The following CEP192 variants were observed in gnomAD, a reference collection of about 807,000 sequenced individuals.
CEP192 encodes the protein centrosomal protein 192.
CEP192 carries 151 observed loss-of-function variants against 271.8 expected under a neutral mutation model. The ratio of observed to expected loss-of-function variants is 0.56; its 90% CI spans 0.49 to 0.64. The LOEUF (loss-of-function observed/expected upper bound fraction) is 0.64, where lower values mean the gene tolerates loss of function less well. Among genes scored for constraint, CEP192 ranks in the 30% least tolerant of loss-of-function variants. The pLI, the probability that CEP192 is intolerant of heterozygous loss-of-function variation, is 0.00. For missense variants in CEP192, 2,910 were observed against 3,020.5 expected, an observed-to-expected ratio of 0.96 and a Z score of 0.86; for synonymous variants, 995 against 1,076.5, an observed-to-expected ratio of 0.92 and a Z score of 1.48.
chr18:13,038,379 A>G lies in CEP192; in HGVS notation c.1609A>G (p.Ile537Val), dbSNP rs1288011203. 6.4e-6 allele frequency: 10 copies of G among 1,551,272 alleles called. No individual in the cohort carries two copies. The highest frequency in any genetic ancestry group is 2.0e-5 in the Admixed American group (1 of 51,006). The change falls in exon 13 of 45, where the codon ATA (isoleucine) becomes GTA (valine). Residue 537 changes from isoleucine to valine, a missense_variant. Transcript: ENST00000506447. ...KEHQFIQEENIDAHNTSVALG... is the reference protein window; with the variant it reads ...KEHQFIQEENVDAHNTSVALG... ...ATAACTTTCTCCCTAGGAAGAAAAC[A>G]TAGATGCTCATAATACTTCGGTTGC...
intron 1 of CEP192, among the ~76,000 whole-genome samples, chr18:12,995,085 G>A (rs955754847): frequency 2.1e-5 from 3 of 141,426 alleles, no homozygotes; most frequent in East Asian, 2.0e-4. Context: ...TTTTTGAGAC[G>A]GAGTCTCGCT....
intron 15 of CEP192, among the ~76,000 whole-genome samples, chr18:13,047,393 A>G (rs984991717): frequency 4.6e-5 from 7 of 152,050 alleles, no homozygotes; most frequent in Non-Finnish European, 1.0e-4. Flanking sequence ...TAACCCCCCA[A>G]TGCCAGTCAT....
Position 13,100,289 on chromosome 18 carries a change from A to G in CEP192, c.6664-16A>G. On this transcript the variant is annotated splice_polypyrimidine_tract_variant and intron_variant, in intron 37 of 44. Transcript: ENST00000506447. ...AGATACGTTTGTAGCTTATCCCTTT[A>G]TTTGGCTCATTTCAGAAAATTGTGA... 6.3e-7 allele frequency: 1 copy of G among 1,594,368 alleles called. No homozygotes were observed. The highest frequency in any genetic ancestry group is 1.3e-5 in the African/African-American group (1 of 74,666).
intron 30 of CEP192, among the ~76,000 whole-genome samples, chr18:13,083,557 G>A (rs922175714): frequency 1.4e-4 from 21 of 152,120 alleles, no homozygotes; most frequent in Admixed American, 3.9e-4. Flanking sequence ...CGATGGGTTC[G>A]AACATTCTCC....
At chr18:13,055,656 C>T in intron 18 of CEP192, 124 bp from the exon 19 acceptor site, 5 of 622,108 alleles carry the variant, frequency 8.0e-6, no homozygotes, top group South Asian at 2.7e-5. Context: ...TTGTGTAAAC[C>T]AATTTTTTTT....
chr18:13,100,513 G>A lies in CEP192; in HGVS notation c.6871+1G>A, dbSNP rs762021155. 1.9e-6 allele frequency: 3 copies of A among 1,600,970 alleles called. No individual in the cohort carries two copies. The highest frequency in any genetic ancestry group is 2.2e-5 in the South Asian group (2 of 90,792). On this transcript the variant is annotated splice_donor_variant, in intron 38 of 44. Transcript: ENST00000506447. LOFTEE classifies it high-confidence loss of function. ...ACAACAGAACCTGGTGAAACTTCAG[G>A]TATTGTATCACAAAATTATGTAATT...
chr18:13,116,766 C>T (rs956789881), intron 43 of CEP192, among the ~76,000 whole-genome samples: 7 of 152,022 alleles, frequency 4.6e-5, no homozygotes, highest in Non-Finnish European at 1.0e-4. Flanking sequence ...CCCGCCACCA[C>T]GCCTGGCTAA....
intron 44 of CEP192, among the ~76,000 whole-genome samples, chr18:13,122,832 CGTGTGTGTGTGT>C (rs59158168): frequency 1.3e-5 from 2 of 150,344 alleles, no homozygotes; most frequent in African/African-American, 2.4e-5. Context: ...TACCTTTTCC[CGTGTGTGTGTGT>C]GTGTGTGTGT....
intron 40 of CEP192, among the ~76,000 whole-genome samples, chr18:13,106,527 C>T (rs1488168087): frequency 1.3e-5 from 2 of 150,474 alleles, no homozygotes; most frequent in Non-Finnish European, 3.0e-5. Flanking sequence ...CCACCACCAC[C>T]ACCACCACCT....
At chr18:13,076,199 G>A (rs186539020) in intron 30 of CEP192, among the ~76,000 whole-genome samples, 1 of 152,060 alleles carries the variant, frequency 6.6e-6, no homozygotes, top group Non-Finnish European at 1.5e-5. Flanking sequence ...TGGATTTACG[G>A]TGTTAGATTT....
In CEP192 at chr18:13,098,907, C is replaced by T. The variant is rs536329545; in HGVS notation, c.6558-569C>T. On this transcript the variant is annotated intron_variant, in intron 36 of 44. Coordinates refer to ENST00000506447, the MANE Select transcript of CEP192 (RefSeq NM_032142.4). ...TGGGCACCATTGAGCACTGAGTGAA[C>T]GAGACTCCGTCTACAATCCCGGCAC... Among the ~76,000 whole-genome samples the T allele has an allele frequency of 6.6e-5, 10 of 152,296 alleles. No homozygotes were observed. In the East Asian group the frequency reaches 1.4e-3, roughly 21 times the overall value.
At chr18:13,054,603 A>C (rs2036983594) in intron 18 of CEP192, among the ~76,000 whole-genome samples, 3 of 152,172 alleles carry the variant, frequency 2.0e-5, no homozygotes, top group South Asian at 4.1e-4. Context: ...CAGATTACTA[A>C]ACCTCCCTCA....
chr18:13,009,008 CTTTTTGTTT>C lies in CEP192; in HGVS notation c.466+383_466+391del, dbSNP rs1486959460. 2.6e-3 allele frequency among the ~76,000 whole-genome samples: 295 copies of C among 113,558 alleles called. 1 individual carries two copies. Among genetic ancestry groups the C allele is most frequent in the African/African-American group, 0.01 (234 of 23,358 alleles). 74.5% of individuals were successfully genotyped at this position (113,558 alleles called of 152,430 possible). A position where few individuals can be genotyped will look rare whatever the true frequency, so the allele number is the denominator to read the frequency against. On this transcript the variant is annotated intron_variant, in intron 4 of 44. Transcript: ENST00000506447. ...ATGGGCCTAAGCCACTGTGCCTGGC[CTTTTTGTTT>C]TTTTTTTTTTTTTTGCTTAATTTTG...
intron 9 of CEP192, 63 bp downstream of exon 9, chr18:13,019,269 T>C: frequency 7.6e-7 from 1 of 1,321,826 alleles, no homozygotes; most frequent in Non-Finnish European, 9.9e-7. Context: ...TTTGTGTTTA[T>C]ATGATATCAG....
chr18:13,040,564 C>G (rs2036147773), intron 13 of CEP192, among the ~76,000 whole-genome samples: 1 of 152,160 alleles, frequency 6.6e-6, no homozygotes, highest in African/African-American at 2.4e-5. Flanking sequence ...TGCGCTTGGC[C>G]TCATTTCTGT....
At chr18:13,015,776 C>T (rs1377821360) in intron 6 of CEP192, among the ~76,000 whole-genome samples, 1 of 148,930 alleles carries the variant, frequency 6.7e-6, no homozygotes, top group Non-Finnish European at 1.5e-5. Flanking sequence ...GATGGAATCT[C>T]GCTTTGTCAC....
intron 30 of CEP192, among the ~76,000 whole-genome samples, chr18:13,084,383 CT>C (rs202219062): frequency 0.036 from 5,467 of 152,258 alleles, 302 homozygotes; most frequent in African/African-American, 0.12. Flanking sequence ...TCTCAGACTG[CT>C]GTGTTAGCAG....
chr18:13,018,731 A>G, intron 8 of CEP192, 116 bp downstream of exon 8: 1 of 719,038 alleles, frequency 1.4e-6, no homozygotes, highest in Non-Finnish European at 2.1e-6. Flanking sequence ...CTAGTCCCTC[A>G]GGTCTTTAGA....
At chr18:13,073,712 G>A (rs938437068) in intron 30 of CEP192, among the ~76,000 whole-genome samples, 5 of 152,174 alleles carry the variant, frequency 3.3e-5, no homozygotes, top group Admixed American at 6.5e-5. Context: ...CCCACTCATC[G>A]TGAGAAGGAC....
Sources: gnomAD v4.1 joint callset for allele counts (sites outside exome capture counted in the v4.1 genomes callset) on GRCh38, gnomAD v4.1.1 for gene constraint, MANE v1.5 for transcripts, NCBI Gene and HGNC (gene_info 2026-07-23, HGNC 2026-07-21) for gene names.